MBNL1: variants seen among roughly 807,000 people sequenced by gnomAD.
MBNL1 encodes muscleblind-like protein 1.
In MBNL1, 8 loss-of-function variants were observed where a neutral mutation model predicts 42.2. That is an observed-to-expected ratio of 0.19 (90% CI 0.11 to 0.34). The LOEUF (loss-of-function observed/expected upper bound fraction) is 0.34. MBNL1 is among the 10% of genes least tolerant of loss of function. The probability of loss-of-function intolerance (pLI) is 1.00; values close to 1 mark genes in which losing one functional copy is unlikely to be tolerated. For missense variants in MBNL1, 309 were observed against 495.3 expected (o/e 0.62, Z 3.57); for synonymous variants, 169 against 173.9 (o/e 0.97, Z 0.22).
chr3:152,381,082 C>G (rs796247152), intron 2 of MBNL1, among the ~76,000 whole-genome samples: 28 of 152,106 alleles, frequency 1.8e-4, no homozygotes, highest in African/African-American at 6.5e-4. Context: ...CATCTTTTCT[C>G]AAACTAAGAT....
At chr3:152,270,948 G>C (rs2041245443) in intron 1 of MBNL1, among the ~76,000 whole-genome samples, 1 of 152,062 alleles carries the variant, frequency 6.6e-6, no homozygotes, top group South Asian at 2.1e-4. Flanking sequence ...CAGAAAACCT[G>C]TTCATCTATA....
chr3:152,268,564 G>C (rs1302721880), upstream of MBNL1: 2 of 351,444 alleles, frequency 5.7e-6, no homozygotes, highest in Non-Finnish European at 1.1e-5. Context: ...GAGGGCGTCC[G>C]GTCTGCACGC....
chr3:152,374,766 C>T (rs974838385), intron 2 of MBNL1, among the ~76,000 whole-genome samples: 4 of 152,172 alleles, frequency 2.6e-5, no homozygotes, highest in African/African-American at 9.7e-5. Context: ...TCTAACATGG[C>T]ATGTATAAAT....
chr3:152,394,420 T>C (rs1414082582), intron 2 of MBNL1, among the ~76,000 whole-genome samples: 2 of 152,264 alleles, frequency 1.3e-5, no homozygotes, highest in Non-Finnish European at 1.5e-5. Context: ...AATTTGTTTA[T>C]ACGGTACATA....
chr3:152,377,585 T>C (rs1434926174), intron 2 of MBNL1, among the ~76,000 whole-genome samples: 1 of 152,246 alleles, frequency 6.6e-6, no homozygotes, highest in Non-Finnish European at 1.5e-5. Flanking sequence ...AAATGTTTGT[T>C]GTCATTATGT....
At chr3:152,275,838 T>C (rs113808910) in intron 1 of MBNL1, among the ~76,000 whole-genome samples, 14 of 151,612 alleles carry the variant, frequency 9.2e-5, no homozygotes, top group African/African-American at 3.4e-4. Context: ...AGAAGTGATA[T>C]CAATATTATT....
At chr3:152,400,465 A>G (rs375472553) in intron 2 of MBNL1, among the ~76,000 whole-genome samples, 6 of 152,184 alleles carry the variant, frequency 3.9e-5, no homozygotes, top group African/African-American at 1.4e-4. Context: ...ATTATTACTT[A>G]TCTAATTTGC....
rs574908855 is a variant in MBNL1 at position 152,333,546 on chromosome 3, A to G, written c.174+33179A>G. 2.6e-5 allele frequency among the ~76,000 whole-genome samples: 4 copies of G among 152,310 alleles called. 1 individual carries two copies. The highest frequency in any genetic ancestry group is 9.6e-5 in the African/African-American group (4 of 41,586). On this transcript the variant is annotated intron_variant, in intron 2 of 9. Coordinates refer to ENST00000324210, the MANE Select transcript of MBNL1 (RefSeq NM_021038.5). ...ATAAAACCACAATTTCAGGAGCTGCATTCTCTGGGTCCAGATTTCATCTTT... is the reference window on the plus strand; with the variant it reads ...ATAAAACCACAATTTCAGGAGCTGCGTTCTCTGGGTCCAGATTTCATCTTT...
At chr3:152,269,336 C>A (rs1247969004) in intron 1 of MBNL1, 1 of 350,160 alleles carries the variant, frequency 2.9e-6, no homozygotes, top group Non-Finnish European at 5.6e-6. Flanking sequence ...GACGCTGTCA[C>A]GGCACAGCCC....
At chr3:152,346,125 A>T (rs1578370183) in intron 2 of MBNL1, among the ~76,000 whole-genome samples, 1 of 152,126 alleles carries the variant, frequency 6.6e-6, no homozygotes, top group East Asian at 1.9e-4. Context: ...CAGAGGTCGG[A>T]TTCATGTGGC....
At chr3:152,390,491 CT>C (rs909223230) in intron 2 of MBNL1, among the ~76,000 whole-genome samples, 39 of 146,932 alleles carry the variant, frequency 2.7e-4, no homozygotes, top group African/African-American at 3.0e-4. Context: ...TTACAGTTAA[CT>C]TTTTTTTTTT....
At chr3:152,332,731 T>G (rs563702860) in intron 2 of MBNL1, among the ~76,000 whole-genome samples, 1 of 134,062 alleles carries the variant, frequency 7.5e-6, no homozygotes, top group Non-Finnish European at 1.6e-5. Context: ...TGTGTGTGTG[T>G]GTGTGTGTGC....
chr3:152,283,796 A>C (rs1325664236), intron 1 of MBNL1, among the ~76,000 whole-genome samples: 3 of 152,150 alleles, frequency 2.0e-5, no homozygotes, highest in Non-Finnish European at 4.4e-5. Context: ...GTGCTTTCCC[A>C]CATCCCTGCC....
chr3:152,344,372 G>C (rs1393884911), intron 2 of MBNL1, among the ~76,000 whole-genome samples: 1 of 152,106 alleles, frequency 6.6e-6, no homozygotes, highest in African/African-American at 2.4e-5. Context: ...GCAAAGTTTA[G>C]TGGTTGCCAC....
intron 2 of MBNL1, among the ~76,000 whole-genome samples, chr3:152,348,844 AGT>A (rs2094589624): frequency 6.6e-6 from 1 of 152,068 alleles, no homozygotes; most frequent in Non-Finnish European, 1.5e-5. Flanking sequence ...CAATATCCAA[AGT>A]GTATTGAATG....
chr3:152,455,534 A>G lies in MBNL1; in HGVS notation c.962-8A>G. ...ATCCACCTTCCTGTTGCAATGCATG[A>G]TGGGCAGGCTCAATATTGTGCATGA... On this transcript the variant is annotated splice_polypyrimidine_tract_variant and splice_region_variant and intron_variant, in intron 6 of 9. Coordinates refer to ENST00000324210, the MANE Select transcript of MBNL1 (RefSeq NM_021038.5). The G allele has an allele frequency of 6.2e-7, 1 of 1,612,698 alleles. No homozygotes were observed. Among genetic ancestry groups the G allele is most frequent in the Non-Finnish European group, 8.5e-7 (1 of 1,178,986 alleles).
At chr3:152,372,178 G>A (rs1272040053) in intron 2 of MBNL1, among the ~76,000 whole-genome samples, 1 of 152,164 alleles carries the variant, frequency 6.6e-6, no homozygotes, top group East Asian at 1.9e-4. Context: ...TCTCTAGACT[G>A]GTTATTCTAG....
chr3:152,293,662 A>G (rs546435566), intron 1 of MBNL1, among the ~76,000 whole-genome samples: 1 of 152,308 alleles, frequency 6.6e-6, no homozygotes, highest in Non-Finnish European at 1.5e-5. Flanking sequence ...ACCTCAAAAA[A>G]TTACTTAGTT....
chr3:152,408,433 A>G (rs1448726875), intron 2 of MBNL1, among the ~76,000 whole-genome samples: 2 of 152,148 alleles, frequency 1.3e-5, no homozygotes, highest in East Asian at 3.8e-4. Context: ...GTTTATTCAA[A>G]TAAAACATGA....
Sources: allele counts gnomAD v4.1 joint callset (sites outside exome capture counted in the v4.1 genomes callset), GRCh38; gene constraint gnomAD v4.1.1; transcripts MANE v1.5; gene names NCBI Gene and HGNC (gene_info 2026-07-23, HGNC 2026-07-21).